GIGYF1: variants seen among roughly 807,000 people sequenced by gnomAD.
GIGYF1 encodes the protein GRB10 interacting GYF protein 1, also known as GRB10-interacting GYF protein 1.
A neutral mutation model predicts 147.1 loss-of-function variants in GIGYF1; 84 were observed. That is an observed-to-expected ratio of 0.57 (90% CI 0.48 to 0.68). The LOEUF (loss-of-function observed/expected upper bound fraction) is 0.68. Among genes scored for constraint, GIGYF1 ranks in the 30% least tolerant of loss-of-function variants. The pLI is 0.00. For synonymous variants in GIGYF1, 752 were observed against 589.5 expected, an observed-to-expected ratio of 1.28 and a Z score of -3.99; for missense variants, 1,485 against 1,393.7, an observed-to-expected ratio of 1.07 and a Z score of -1.04.
chr7:100,684,428 A>G, intron 16 of GIGYF1, 22 bp downstream of exon 16: 1 of 1,611,340 alleles, frequency 6.2e-7, no homozygotes, highest in Non-Finnish European at 8.5e-7. Flanking sequence ...CTGTCCCTCC[A>G]TGCAGGGGAG....
intron 14 of GIGYF1, 53 bp downstream of exon 14, chr7:100,684,996 C>A: frequency 6.4e-7 from 1 of 1,555,328 alleles, no homozygotes; most frequent in Non-Finnish European, 8.7e-7. Flanking sequence ...TGGGGCCAAG[C>A]AGGTCAGGTC....
chr7:100,687,208 T>G, intron 8 of GIGYF1, 90 bp downstream of exon 8: 1 of 1,459,808 alleles, frequency 6.9e-7, no homozygotes, highest in Non-Finnish European at 9.6e-7. Flanking sequence ...AGGGCTTATC[T>G]GGTGGGCCTC....
chr7:100,693,295 TTG>T (rs1162106302), intron 1 of GIGYF1, among the ~76,000 whole-genome samples: 3 of 3,860 alleles, frequency 7.8e-4, no homozygotes, highest in African/African-American at 4.1e-3. Flanking sequence ...GGAAATTTTT[TTG>T]TTTTTTTTTT....
At position 100,687,476 on chromosome 7, in the gene GIGYF1, G is replaced by A. The variant is rs558750632; in HGVS notation, c.373+29C>T. The A allele has an allele frequency of 5.5e-5, 89 of 1,605,444 alleles. No individual in the cohort carries two copies. In the East Asian group the frequency reaches 8.9e-4, roughly 16 times the overall value. ...CGAAGTCAGGGGCCCAGATCTGCCC[G>A]TCCCCAGGACACGCCATCACCCCTC... is the stretch of plus-strand genomic sequence containing the variant. On this transcript the variant is annotated intron_variant, in intron 7 of 26. Coordinates refer to ENST00000678049, the MANE Select transcript of GIGYF1 (RefSeq NM_001375765.1).
At chr7:100,691,893 C>A (rs956139345) in intron 1 of GIGYF1, among the ~76,000 whole-genome samples, 2 of 152,250 alleles carry the variant, frequency 1.3e-5, no homozygotes, top group Non-Finnish European at 2.9e-5. Flanking sequence ...CCAGGGCGCG[C>A]GGGAAAGGGA....
At chr7:100,688,347 G>C (rs199754028) in intron 3 of GIGYF1, 40 bp from the exon 4 acceptor site, 2 of 970,552 alleles carry the variant, frequency 2.1e-6, no homozygotes, top group Non-Finnish European at 3.2e-6. Context: ...GCACACGAAG[G>C]AGAACTTTAA....
intron 1 of GIGYF1, among the ~76,000 whole-genome samples, chr7:100,690,584 C>T (rs536310804): frequency 5.3e-5 from 8 of 152,100 alleles, no homozygotes; most frequent in African/African-American, 1.9e-4. Flanking sequence ...GAGTTTGAGA[C>T]CAGCCTGGCC....
At chr7:100,692,682 T>A (rs1432743389) in intron 1 of GIGYF1, among the ~76,000 whole-genome samples, 1 of 152,146 alleles carries the variant, frequency 6.6e-6, no homozygotes, top group Admixed American at 6.5e-5. Context: ...AAAAAGCTAG[T>A]CCAGAAGTTT....
chr7:100,692,955 G>A (rs1052755211), intron 1 of GIGYF1, among the ~76,000 whole-genome samples: 1 of 152,184 alleles, frequency 6.6e-6, no homozygotes, highest in Non-Finnish European at 1.5e-5. Context: ...CGGCAGCAAA[G>A]GAGAGACCCT....
intron 1 of GIGYF1, among the ~76,000 whole-genome samples, chr7:100,690,370 C>T (rs1453416284): frequency 6.6e-6 from 1 of 152,176 alleles, no homozygotes; most frequent in African/African-American, 2.4e-5. Context: ...CTGGCCAGCA[C>T]AATGGCTTAT....
intron 1 of GIGYF1, among the ~76,000 whole-genome samples, chr7:100,691,872 TCCAGTAGGCG>T (rs1805856730): frequency 6.6e-6 from 1 of 152,180 alleles, no homozygotes; most frequent in Non-Finnish European, 1.5e-5. Flanking sequence ...GCCCGGGTGC[TCCAGTAGGCG>T]CCAGGGCGCG....
chr7:100,686,122 G>C, intron 11 of GIGYF1, 43 bp from the exon 12 acceptor site: 1 of 1,604,212 alleles, frequency 6.2e-7, no homozygotes, highest in Non-Finnish European at 8.5e-7. Flanking sequence ...GCTGGGGTGG[G>C]TGGGGAGGAA....
Position 100,686,987 on chromosome 7 carries a change from G to A in GIGYF1, c.523+19C>T, listed in dbSNP as rs139345470. The A allele has an allele frequency of 3.3e-4, 527 of 1,613,564 alleles. 4 individuals carry two copies. Among genetic ancestry groups the A allele is most frequent in the Middle Eastern group, 2.5e-3 (15 of 6,062 alleles). On this transcript the variant is annotated intron_variant, in intron 9 of 26. Coordinates refer to ENST00000678049, the MANE Select transcript of GIGYF1 (RefSeq NM_001375765.1). ...GGTCCTCCCTGCCGCCCCGGCCGCC[G>A]CCCTCAGCAGCCTCGTACCTCCATC...
rs756162193 is a variant in GIGYF1 at position 100,683,236 on chromosome 7, A to G, written c.2194-6T>C. The G allele has an allele frequency of 5.6e-6, 9 of 1,612,408 alleles. No homozygotes were observed. In the African/African-American group the frequency reaches 9.3e-5, roughly 17 times the overall value. ...AATAGCTCCTGCTGCCGCACCTAAG[A>G]GGGGGACATGGTGAGGGGACCTGGC... is the stretch of plus-strand genomic sequence containing the variant. On this transcript the variant is annotated splice_region_variant and splice_polypyrimidine_tract_variant and intron_variant, in intron 21 of 26. Coordinates refer to ENST00000678049, the MANE Select transcript of GIGYF1 (RefSeq NM_001375765.1).
intron 1 of GIGYF1, among the ~76,000 whole-genome samples, chr7:100,693,093 G>T (rs574359140): frequency 6.6e-6 from 1 of 152,118 alleles, no homozygotes; most frequent in Admixed American, 6.6e-5. Context: ...CTTCCAGAAC[G>T]ACACTTTGAG....
At chr7:100,687,208 T>C (rs1196158662) in intron 8 of GIGYF1, 90 bp downstream of exon 8, 12 of 1,459,808 alleles carry the variant, frequency 8.2e-6, no homozygotes, top group African/African-American at 1.4e-5. Context: ...AGGGCTTATC[T>C]GGTGGGCCTC....
At position 100,681,921 on chromosome 7, in the gene GIGYF1, C is replaced by T; in HGVS notation, c.2998G>A (p.Glu1000Lys). ...ANHSTKLGPG[E>K]GSKAKRRALM... ...GCCCGCCTCTTGGCCTTGCTGCCCT[C>T]CCCGGGGCCGAGTTTGGTGCTGTGG... Residue 1000 changes from glutamate (E) to lysine (K), a missense_variant, in exon 26 of 27, where the codon GAG (glutamate) becomes AAG (lysine). Transcript: ENST00000678049. 1 of 1,610,648 alleles carries T rather than the reference C, an allele frequency of 6.2e-7. No homozygotes were observed. Among genetic ancestry groups the T allele is most frequent in the Non-Finnish European group, 8.5e-7 (1 of 1,179,942 alleles).
In GIGYF1 at chr7:100,687,983, T is replaced by C. The variant is rs778381611; in HGVS notation, c.163A>G (p.Lys55Glu). The stretch of plus-strand genomic sequence containing the variant: ...ACCCCCCTCGCCCACGCACCCACCT[T>C]GTTCTCCTTGACGTAGAGAGCCAGC... ...EMLALYVKEN[K>E]VPEELQDKEF... The change falls in exon 5 of 27, where the codon AAG (lysine) becomes GAG (glutamate). Residue 55 changes from lysine to glutamate, a missense_variant and splice_region_variant. Coordinates refer to ENST00000678049, the MANE Select transcript of GIGYF1 (RefSeq NM_001375765.1). The C allele has an allele frequency of 5.0e-6, 8 of 1,612,006 alleles. No individual in the cohort carries two copies. In the East Asian group the frequency reaches 1.1e-4, roughly 22 times the overall value.
chr7:100,686,112 G>C, intron 11 of GIGYF1, 33 bp from the exon 12 acceptor site: 3 of 1,608,214 alleles, frequency 1.9e-6, no homozygotes, highest in Non-Finnish European at 2.5e-6. Context: ...GCAGAGAACA[G>C]CTGGGGTGGG....
Sources: allele counts gnomAD v4.1 joint callset (sites outside exome capture counted in the v4.1 genomes callset), GRCh38; gene constraint gnomAD v4.1.1; transcripts MANE v1.5; gene names NCBI Gene and HGNC (gene_info 2026-07-23, HGNC 2026-07-21).